The following SDCCAG8 variants were observed in gnomAD, a reference collection of about 807,000 sequenced individuals.
The protein encoded by SDCCAG8 is serologically defined colon cancer antigen 8.
In SDCCAG8, 74 loss-of-function variants were observed where a neutral mutation model predicts 101.8. That is an observed-to-expected ratio of 0.73 (90% CI 0.60 to 0.88). The LOEUF (loss-of-function observed/expected upper bound fraction) is 0.88, where lower values mean the gene tolerates loss of function less well. SDCCAG8 is among the 40% of genes least tolerant of loss of function. SDCCAG8 has a pLI of 0.00. For missense variants in SDCCAG8, 787 were observed against 822.6 expected (o/e 0.96, Z 0.53); for synonymous variants, 281 against 292.9 (o/e 0.96, Z 0.41).
At chr1:243,308,962 A>G (rs2072442187) in intron 8 of SDCCAG8, among the ~76,000 whole-genome samples, 1 of 152,138 alleles carries the variant, frequency 6.6e-6, no homozygotes, top group Non-Finnish European at 1.5e-5. Context: ...ACTTCCTTTT[A>G]GAAGAAGTCT....
chr1:243,452,786 A>G (rs2083464475), intron 16 of SDCCAG8, among the ~76,000 whole-genome samples: 1 of 152,170 alleles, frequency 6.6e-6, no homozygotes, highest in Non-Finnish European at 1.5e-5. Flanking sequence ...TAAAATTTAT[A>G]TAAAACTTAA....
At chr1:243,376,988 T>G (rs1208255235) in intron 12 of SDCCAG8, among the ~76,000 whole-genome samples, 4 of 152,312 alleles carry the variant, frequency 2.6e-5, no homozygotes, top group Non-Finnish European at 4.4e-5. Flanking sequence ...TGCCCTTACT[T>G]CTTTCTCACT....
At chr1:243,441,381 C>A (rs912874252) in intron 16 of SDCCAG8, among the ~76,000 whole-genome samples, 1 of 152,056 alleles carries the variant, frequency 6.6e-6, no homozygotes, top group Non-Finnish European at 1.5e-5. Flanking sequence ...ATTTTTTTAT[C>A]TTTTTCTTTG....
chr1:243,331,702 A>C (rs1272092115), intron 10 of SDCCAG8, among the ~76,000 whole-genome samples: 1 of 152,050 alleles, frequency 6.6e-6, no homozygotes, highest in East Asian at 1.9e-4. Flanking sequence ...TGCAGATGAC[A>C]TGGCTGTAGA....
At chr1:243,408,166 C>T (rs541554507) in intron 13 of SDCCAG8, among the ~76,000 whole-genome samples, 5 of 152,218 alleles carry the variant, frequency 3.3e-5, no homozygotes, top group South Asian at 2.1e-4. Context: ...TAGTACTTTC[C>T]GTCTTTTAGT....
chr1:243,444,743 C>A (rs1222115989), intron 16 of SDCCAG8, among the ~76,000 whole-genome samples: 3 of 152,116 alleles, frequency 2.0e-5, no homozygotes, highest in Non-Finnish European at 4.4e-5. Flanking sequence ...TTCCACCAAT[C>A]AATAATTGTT....
At chr1:243,452,404 GA>G (rs2083429200) in intron 16 of SDCCAG8, among the ~76,000 whole-genome samples, 1 of 113,908 alleles carries the variant, frequency 8.8e-6, no homozygotes, top group Non-Finnish European at 1.8e-5. Context: ...CCCTTGAGAT[GA>G]TCTCATCTCT....
chr1:243,299,198 T>C (rs1049326188), intron 6 of SDCCAG8, among the ~76,000 whole-genome samples: 2 of 152,232 alleles, frequency 1.3e-5, no homozygotes, highest in Non-Finnish European at 2.9e-5. Flanking sequence ...CAAATTTTTA[T>C]TTTCTAACTC....
chr1:243,393,211 G>A (rs1573776099), intron 13 of SDCCAG8, among the ~76,000 whole-genome samples: 2 of 152,222 alleles, frequency 1.3e-5, no homozygotes, highest in East Asian at 3.9e-4. Context: ...GTGAGAACCT[G>A]TGTTAGCACT....
intron 16 of SDCCAG8, among the ~76,000 whole-genome samples, chr1:243,482,028 T>C (rs1306614520): frequency 1.3e-5 from 2 of 152,236 alleles, no homozygotes; most frequent in African/African-American, 4.8e-5. Flanking sequence ...CCTCATGACT[T>C]ATGTATACAT....
In SDCCAG8 at chr1:243,256,133, T is replaced by C. The variant is rs369401351; in HGVS notation, c.-41T>C. ...TTCTCGGAAGGGAGAAAGCTGGACA[T>C]TTCCCCACGTAACTCCCAGCTCTGG... On this transcript the variant is annotated 5_prime_UTR_variant, in exon 1 of 18. Transcript: ENST00000366541. 17 of 1,588,552 alleles carry C rather than the reference T, an allele frequency of 1.1e-5. No homozygotes were observed. Among genetic ancestry groups the C allele is most frequent in the Admixed American group, 6.7e-5 (4 of 59,964 alleles).
intron 12 of SDCCAG8, among the ~76,000 whole-genome samples, chr1:243,369,538 A>C (rs1168922217): frequency 2.0e-5 from 3 of 152,160 alleles, no homozygotes; most frequent in African/African-American, 7.2e-5. Flanking sequence ...ATCTGATTTT[A>C]TGATGGTAAT....
intron 1 of SDCCAG8, chr1:243,267,695 T>C: frequency 1.3e-6 from 1 of 786,420 alleles, no homozygotes; most frequent in East Asian, 2.4e-5. Context: ...TAAGCAGTCA[T>C]GTGCATAGGT....
chr1:243,495,501 T>C (rs1023030304), intron 17 of SDCCAG8, among the ~76,000 whole-genome samples: 9 of 152,178 alleles, frequency 5.9e-5, no homozygotes, highest in African/African-American at 2.2e-4. Context: ...GAATGGCCGC[T>C]GCCCTGCGAT....
intron 12 of SDCCAG8, among the ~76,000 whole-genome samples, chr1:243,348,674 C>T (rs770468096): frequency 1.3e-5 from 2 of 151,874 alleles, no homozygotes; most frequent in Non-Finnish European, 2.9e-5. Flanking sequence ...TCAGAGTACA[C>T]CTACAAAACA....
chr1:243,336,817 TC>T (rs982444329), intron 10 of SDCCAG8, among the ~76,000 whole-genome samples: 3 of 152,204 alleles, frequency 2.0e-5, no homozygotes, highest in Non-Finnish European at 4.4e-5. Flanking sequence ...AAGTGTCTGT[TC>T]ATGTCTTTTG....
intron 16 of SDCCAG8, among the ~76,000 whole-genome samples, chr1:243,467,121 A>G (rs747459595): frequency 4.6e-5 from 7 of 152,212 alleles, no homozygotes; most frequent in South Asian, 2.1e-4. Context: ...TTCACAACCT[A>G]TTGTGCGTAG....
intron 13 of SDCCAG8, among the ~76,000 whole-genome samples, chr1:243,406,072 A>C (rs2079760972): frequency 6.6e-6 from 1 of 152,246 alleles, no homozygotes; most frequent in Admixed American, 6.5e-5. Flanking sequence ...CAGAGGGATT[A>C]GTTACTGGGA....
intron 10 of SDCCAG8, among the ~76,000 whole-genome samples, chr1:243,337,274 C>G (rs1483507401): frequency 6.6e-6 from 1 of 152,144 alleles, no homozygotes; most frequent in Non-Finnish European, 1.5e-5. Context: ...AATCCTTTCC[C>G]CATTGCACAT....
Sources: gnomAD v4.1 joint callset for allele counts (sites outside exome capture counted in the v4.1 genomes callset) on GRCh38, gnomAD v4.1.1 for gene constraint, MANE v1.5 for transcripts, NCBI Gene and HGNC (gene_info 2026-07-23, HGNC 2026-07-21) for gene names.